COL4A2: variants seen among roughly 807,000 people sequenced by gnomAD.
The protein encoded by COL4A2 is collagen alpha-2(IV) chain.
COL4A2 carries 99 observed loss-of-function variants against 200.2 expected under a neutral mutation model. The observed-to-expected ratio is 0.49, with a 90% confidence interval of 0.42 to 0.58. The LOEUF (loss-of-function observed/expected upper bound fraction) is 0.58, where lower values mean the gene tolerates loss of function less well. Among genes scored for constraint, COL4A2 ranks in the 20% least tolerant of loss-of-function variants. COL4A2 has a pLI of 0.00. For missense variants in COL4A2, 1,950 were observed against 2,314.1 expected (o/e 0.84, Z 3.23); for synonymous variants, 897 against 900.6 (o/e 1.00, Z 0.07).
At chr13:110,484,223 G>T (rs7333851) in intron 32 of COL4A2, among the ~76,000 whole-genome samples, 2 of 152,020 alleles carry the variant, frequency 1.3e-5, no homozygotes, top group Non-Finnish European at 2.9e-5. Flanking sequence ...CGCTCTGTGG[G>T]GTCAGGACCA....
chr13:110,349,306 C>A (rs1486114750), intron 3 of COL4A2, among the ~76,000 whole-genome samples: 1 of 152,206 alleles, frequency 6.6e-6, no homozygotes, highest in African/African-American at 2.4e-5. Flanking sequence ...GGCGATTCCT[C>A]AGACATCTAC....
chr13:110,475,243 A>G (rs776219707), intron 29 of COL4A2, among the ~76,000 whole-genome samples: 2 of 152,234 alleles, frequency 1.3e-5, no homozygotes, highest in Non-Finnish European at 2.9e-5. Context: ...GGAAGATAAG[A>G]TGCAAATCAG....
intron 16 of COL4A2, among the ~76,000 whole-genome samples, chr13:110,441,301 C>T (rs1881115826): frequency 6.6e-6 from 1 of 152,190 alleles, no homozygotes; most frequent in African/African-American, 2.4e-5. Flanking sequence ...GTTCCAGGAC[C>T]ACAGATGGAC....
At chr13:110,501,854 T>C (rs1883656251) in intron 41 of COL4A2, 70 bp downstream of exon 41, 1 of 1,442,370 alleles carries the variant, frequency 6.9e-7, no homozygotes, top group Non-Finnish European at 9.7e-7. Flanking sequence ...CCGCTTAATG[T>C]AGGGGGAGAA....
rs575809225 is a variant in COL4A2, at chr13:110,363,499, C to T, written c.180+5947C>T. Among the ~76,000 whole-genome samples, 154 of 152,216 alleles carry T rather than the reference C, an allele frequency of 1.0e-3. 1 individual carries two copies. Among genetic ancestry groups the T allele is most frequent in the Admixed American group, 1.7e-3 (26 of 15,286 alleles). On this transcript the variant is annotated intron_variant, in intron 4 of 47. Coordinates refer to ENST00000360467, the MANE Select transcript of COL4A2 (RefSeq NM_001846.4). ...AAATAGCTGCCAAGAGAAGAGGGAA[C>T]GAGTGCTCGGGGCGGGTTGGAGGCA...
In COL4A2 at chr13:110,512,603, CA is replaced by C. The variant is rs1306362631; in HGVS notation, c.*413del. 2.0e-4 allele frequency: 39 copies of C among 194,470 alleles called. No homozygotes were observed. In the East Asian group the frequency reaches 2.3e-3, roughly 11 times the overall value. 12.0% of individuals were successfully genotyped at this position (194,470 alleles called of 1,614,324 possible). On this transcript the variant is annotated 3_prime_UTR_variant, in exon 48 of 48. Coordinates refer to ENST00000360467, the MANE Select transcript of COL4A2 (RefSeq NM_001846.4). ...GCCGTGGCCAGAGGCTCGAGGGGCTCAGGGCCTCAGGCACCCGTCCCCACAC... is the reference window on the plus strand; with the variant it reads ...GCCGTGGCCAGAGGCTCGAGGGGCTCGGGCCTCAGGCACCCGTCCCCACAC...
At chr13:110,308,035 C>G in intron 2 of COL4A2, 34 bp from the exon 3 acceptor site, 1 of 1,611,866 alleles carries the variant, frequency 6.2e-7, no homozygotes, top group East Asian at 2.2e-5. Flanking sequence ...CGGGCCCGCA[C>G]GTTCACGTCT....
At chr13:110,338,614 C>T (rs1188073889) in intron 3 of COL4A2, among the ~76,000 whole-genome samples, 1 of 152,176 alleles carries the variant, frequency 6.6e-6, no homozygotes, top group Non-Finnish European at 1.5e-5. Flanking sequence ...GATGGTTTAT[C>T]TGGAAGATTA....
rs1218804369 is a variant in COL4A2 at position 110,482,450 on chromosome 13, T to G, written c.2759-66T>G. The G allele has an allele frequency of 2.6e-6, 4 of 1,530,990 alleles. No individual in the cohort carries two copies. The African/African-American group carries it at 4.1e-5, about 16-fold the overall frequency. 94.8% of individuals were successfully genotyped at this position (1,530,990 alleles called of 1,614,324 possible). ...ACATTGCCGAAATGTTACGGAGACG[T>G]GAGACTGAAATGTCCCATGCATTTT... is the stretch of plus-strand genomic sequence containing the variant. On this transcript the variant is annotated intron_variant, in intron 31 of 47. Coordinates refer to ENST00000360467, the MANE Select transcript of COL4A2 (RefSeq NM_001846.4).
In COL4A2 at chr13:110,308,025, C is replaced by T. The variant is rs74124101; in HGVS notation, c.45-44C>T. 3.2e-3 allele frequency: 5,116 copies of T among 1,611,452 alleles called. 117 individuals are homozygous for T. The African/African-American group carries it at 0.057, about 18-fold the overall frequency. On this transcript the variant is annotated intron_variant, in intron 2 of 47. Coordinates refer to ENST00000360467, the MANE Select transcript of COL4A2 (RefSeq NM_001846.4). ...GTGTAACTCTCGGGGACTGACAAGC[C>T]GGGCCCGCACGTTCACGTCTCTCTT...
intron 30 of COL4A2, among the ~76,000 whole-genome samples, chr13:110,479,701 C>T (rs932467980): frequency 2.6e-5 from 4 of 152,044 alleles, no homozygotes; most frequent in African/African-American, 7.2e-5. Context: ...GGCTTGGAGT[C>T]GGGGGAGGCG....
At chr13:110,432,121 C>G (rs920494200) in intron 10 of COL4A2, among the ~76,000 whole-genome samples, 20 of 152,182 alleles carry the variant, frequency 1.3e-4, no homozygotes, top group Non-Finnish European at 2.5e-4. Flanking sequence ...CGTAGACAGC[C>G]GGCAGATTCT....
At chr13:110,383,147 T>C (rs142681384) in intron 4 of COL4A2, among the ~76,000 whole-genome samples, 62 of 152,378 alleles carry the variant, frequency 4.1e-4, no homozygotes, top group East Asian at 3.3e-3. Context: ...CTCAAACTTA[T>C]GGGGATAGTG....
Position 110,503,936 on chromosome 13 carries a change from C to A in COL4A2, c.4228C>A (p.Arg1410=). The change falls in exon 44 of 48, where the codon CGA becomes AGA. Residue 1410 remains arginine, a synonymous_variant. Transcript: ENST00000360467. The part of the protein sequence containing the change: ...QPGTVGPQGR[R]GPPGAPGEMG... ...AGGGACAGTGGGTCCCCAGGGGAGG[C>A]GAGGCCCCCCTGGGGCACCGGGGGA... 1 of 1,587,756 alleles carries A rather than the reference C, an allele frequency of 6.3e-7. No individual in the cohort carries two copies. The highest frequency in any genetic ancestry group is 8.6e-7 in the Non-Finnish European group (1 of 1,163,580).
intron 4 of COL4A2, among the ~76,000 whole-genome samples, chr13:110,403,684 A>G (rs1304716000): frequency 6.6e-6 from 1 of 152,106 alleles, no homozygotes; most frequent in Non-Finnish European, 1.5e-5. Context: ...GTTTTTTTCT[A>G]GCATGCACCT....
At position 110,465,516 on chromosome 13, in the gene COL4A2, G is replaced by A; in HGVS notation, c.1888G>A (p.Gly630Ser). The A allele has an allele frequency of 6.2e-7, 1 of 1,614,052 alleles. No homozygotes were observed. Among genetic ancestry groups the A allele is most frequent in the Non-Finnish European group, 8.5e-7 (1 of 1,180,030 alleles). ...AGGACTGGGCCTTCCCGGCCTCAAA[G>A]GCCAACGTGGTTTCCCTGGAGACGC... ...PPGLGLPGLK[G>S]QRGFPGDAGL... The change falls in exon 25 of 48, where the codon GGC (glycine) becomes AGC (serine). Residue 630 changes from glycine (G) to serine (S), a missense_variant. Transcript: ENST00000360467.
chr13:110,484,226 C>G (rs867439996), intron 32 of COL4A2, among the ~76,000 whole-genome samples: 57 of 152,136 alleles, frequency 3.7e-4, no homozygotes, highest in African/African-American at 1.3e-3. Context: ...TCTGTGGGGT[C>G]AGGACCAATT....
At chr13:110,369,019 C>A (rs1490891652) in intron 4 of COL4A2, among the ~76,000 whole-genome samples, 1 of 152,070 alleles carries the variant, frequency 6.6e-6, no homozygotes, top group African/African-American at 2.4e-5. Flanking sequence ...CCATCCTGGC[C>A]AACATGGTGA....
chr13:110,447,516 C>G (rs1306473202), intron 18 of COL4A2, among the ~76,000 whole-genome samples: 4 of 152,174 alleles, frequency 2.6e-5, no homozygotes, highest in Non-Finnish European at 5.9e-5. Context: ...AGTCCTGCAA[C>G]TAGAGCACTT....
Sources: allele counts gnomAD v4.1 joint callset (sites outside exome capture counted in the v4.1 genomes callset), GRCh38; gene constraint gnomAD v4.1.1; transcripts MANE v1.5; gene names NCBI Gene and HGNC (gene_info 2026-07-23, HGNC 2026-07-21).